The following PRKCA variants were observed in gnomAD, a reference collection of about 807,000 sequenced individuals.
The protein encoded by PRKCA is protein kinase C alpha, also known as protein kinase C alpha type.
Under a neutral mutation model 87.0 loss-of-function variants are expected in PRKCA, and 27 were observed. The observed-to-expected ratio is 0.31, with a 90% CI of 0.23 to 0.43. The LOEUF (loss-of-function observed/expected upper bound fraction) is 0.43. Ranked by LOEUF, PRKCA falls within the 20% of genes least tolerant of loss-of-function variation. The probability of loss-of-function intolerance (pLI) is 1.00; values close to 1 mark genes in which losing one functional copy is unlikely to be tolerated. For missense variants in PRKCA, 518 were observed against 852.3 expected, an observed-to-expected ratio of 0.61 and a Z score of 4.88; for synonymous variants, 329 against 311.1, an observed-to-expected ratio of 1.06 and a Z score of -0.61.
intron 2 of PRKCA, among the ~76,000 whole-genome samples, chr17:66,377,721 AT>A (rs1229084236): frequency 0.076 from 5,215 of 68,504 alleles, 73 homozygotes; most frequent in Admixed American, 0.097. Context: ...ATATATATAT[AT>A]TTTTTTTTTT....
intron 2 of PRKCA, among the ~76,000 whole-genome samples, chr17:66,340,633 G>A (rs1169982681): frequency 6.6e-6 from 1 of 152,088 alleles, no homozygotes; most frequent in Non-Finnish European, 1.5e-5. Flanking sequence ...TAGAGCCTAT[G>A]TATTAGAATA....
chr17:66,483,044 A>G (rs543446505), intron 2 of PRKCA, among the ~76,000 whole-genome samples: 32 of 152,344 alleles, frequency 2.1e-4, no homozygotes, highest in African/African-American at 7.7e-4. Flanking sequence ...TAACAGACAC[A>G]GATGTGCTGT....
chr17:66,602,838 G>C (rs1004010566), intron 3 of PRKCA, among the ~76,000 whole-genome samples: 5 of 152,070 alleles, frequency 3.3e-5, no homozygotes, highest in Admixed American at 6.5e-5. Context: ...TGTGCGCTGT[G>C]GGGGAGCCAT....
intron 8 of PRKCA, among the ~76,000 whole-genome samples, chr17:66,728,222 C>T (rs1050927468): frequency 2.0e-5 from 3 of 152,208 alleles, no homozygotes; most frequent in Non-Finnish European, 4.4e-5. Context: ...TGGGTCTGCT[C>T]TGATCTCAGG....
rs151306364 is a variant in PRKCA at position 66,329,469 on chromosome 17, T to G, written c.205+23342T>G. Among the ~76,000 whole-genome samples the G allele has an allele frequency of 8.7e-3, 1,317 of 152,154 alleles. 25 individuals are homozygous for G. Among genetic ancestry groups the G allele is most frequent in the African/African-American group, 0.03 (1,243 of 41,498 alleles). On this transcript the variant is annotated intron_variant, in intron 2 of 16. Transcript: ENST00000413366. ...TCATCTGCTTACAAGTTAAGTTGAA[T>G]GAATGGCAAGGATTTGAGTGCCTGG...
chr17:66,336,803 T>TGTGTG (rs1906719086), intron 2 of PRKCA, among the ~76,000 whole-genome samples: 2 of 139,824 alleles, frequency 1.4e-5, no homozygotes, highest in African/African-American at 2.6e-5. Context: ...TGTGTGTGTG[T>TGTGTG]TTGAGACGGA....
intron 2 of PRKCA, among the ~76,000 whole-genome samples, chr17:66,381,772 T>C (rs1276605888): frequency 6.6e-6 from 1 of 152,214 alleles, no homozygotes; most frequent in Non-Finnish European, 1.5e-5. Flanking sequence ...TTTAGCTTCT[T>C]TTACCATCAC....
chr17:66,642,560 T>G (rs1284884403), intron 4 of PRKCA, among the ~76,000 whole-genome samples: 5 of 152,204 alleles, frequency 3.3e-5, no homozygotes, highest in Non-Finnish European at 2.9e-5. Context: ...TGTGGAAATA[T>G]CAGCCTATTG....
intron 3 of PRKCA, among the ~76,000 whole-genome samples, chr17:66,611,336 A>T (rs1257032881): frequency 1.3e-5 from 2 of 152,332 alleles, no homozygotes; most frequent in East Asian, 3.9e-4. Context: ...ACTTACTAGT[A>T]GTCATCTCCC....
intron 3 of PRKCA, among the ~76,000 whole-genome samples, chr17:66,614,504 C>T (rs912730787): frequency 1.3e-5 from 2 of 152,070 alleles, no homozygotes; most frequent in Non-Finnish European, 2.9e-5. Context: ...AAAATGTTAC[C>T]GTTTCCTACC....
intron 3 of PRKCA, among the ~76,000 whole-genome samples, chr17:66,544,086 A>G (rs1968075446): frequency 6.6e-6 from 1 of 152,122 alleles, no homozygotes; most frequent in South Asian, 2.1e-4. Flanking sequence ...GTGGTGGTGC[A>G]CACCTGTAGT....
chr17:66,664,289 A>G (rs1971983092), intron 5 of PRKCA, among the ~76,000 whole-genome samples: 1 of 152,150 alleles, frequency 6.6e-6, no homozygotes, highest in Non-Finnish European at 1.5e-5. Flanking sequence ...GCGAAGCCCA[A>G]GGCCCAAAGA....
At chr17:66,531,490 A>G (rs7224188) in intron 3 of PRKCA, among the ~76,000 whole-genome samples, 39,415 of 152,182 alleles carry the variant, frequency 0.26, 6,430 homozygotes, top group African/African-American at 0.45. Flanking sequence ...GGCCCTGCCT[A>G]AAGCTCGATT....
intron 16 of PRKCA, among the ~76,000 whole-genome samples, chr17:66,791,832 G>A (rs183847031): frequency 2.0e-5 from 3 of 152,312 alleles, no homozygotes; most frequent in East Asian, 1.9e-4. Flanking sequence ...GAGAACTAGC[G>A]GCGTAGAAAA....
intron 3 of PRKCA, among the ~76,000 whole-genome samples, chr17:66,530,815 C>T (rs886503566): frequency 1.3e-5 from 2 of 151,826 alleles, no homozygotes; most frequent in Non-Finnish European, 2.9e-5. Flanking sequence ...TGCTTCCCTG[C>T]GTTTCAGAGG....
At chr17:66,338,716 GA>G (rs1304483443) in intron 2 of PRKCA, among the ~76,000 whole-genome samples, 3 of 151,868 alleles carry the variant, frequency 2.0e-5, no homozygotes, top group African/African-American at 7.3e-5. Flanking sequence ...AGAAGGGGAT[GA>G]AAAAAAATAT....
chr17:66,736,880 T>C (rs1391872862), intron 10 of PRKCA, among the ~76,000 whole-genome samples: 1 of 152,172 alleles, frequency 6.6e-6, no homozygotes, highest in Non-Finnish European at 1.5e-5. Flanking sequence ...TTTTGCACCA[T>C]GAAGGCAGAG....
At chr17:66,650,666 T>TA (rs1156538882) in intron 5 of PRKCA, among the ~76,000 whole-genome samples, 1 of 152,146 alleles carries the variant, frequency 6.6e-6, no homozygotes, top group Non-Finnish European at 1.5e-5. Flanking sequence ...TCCCAGCTCT[T>TA]ACGGCCCAGA....
At chr17:66,611,192 A>G (rs7224667) in intron 3 of PRKCA, among the ~76,000 whole-genome samples, 7,383 of 152,266 alleles carry the variant, frequency 0.048, 583 homozygotes, top group African/African-American at 0.16. Context: ...TTATCAAGAT[A>G]CAATTCATGT....
Sources: gnomAD v4.1 joint callset for allele counts (sites outside exome capture counted in the v4.1 genomes callset) on GRCh38, gnomAD v4.1.1 for gene constraint, MANE v1.5 for transcripts, NCBI Gene and HGNC (gene_info 2026-07-23, HGNC 2026-07-21) for gene names.